Variants in BAG2 observed in about 807,000 individuals in gnomAD.
BAG2 encodes the protein BAG family molecular chaperone regulator 2.
Under a neutral mutation model 16.4 loss-of-function variants are expected in BAG2, and 8 were observed. The ratio of observed to expected loss-of-function variants is 0.49; its 90% CI spans 0.29 to 0.88. The LOEUF (loss-of-function observed/expected upper bound fraction) is 0.88, where lower values mean the gene tolerates loss of function less well. Among genes scored for constraint, BAG2 ranks in the 40% least tolerant of loss-of-function variants. BAG2 has a pLI of 0.09. For synonymous variants in BAG2, 82 were observed against 89.2 expected (o/e 0.92, Z 0.46); for missense variants, 218 against 248.9 (o/e 0.88, Z 0.84).
chr6:57,188,128 TTTC>T lies in BAG2; in HGVS notation c.*3941_*3943del, dbSNP rs1764681101. The T allele has an allele frequency of 1.3e-5, 2 of 152,184 alleles. No individual in the cohort carries two copies. The highest frequency in any genetic ancestry group is 4.8e-5 in the African/African-American group (2 of 41,456). The allele number at this position is 152,184 out of a possible 1,614,324, so 9.4% of individuals were successfully genotyped here. A position where few individuals can be genotyped will look rare whatever the true frequency, so the allele number is the denominator to read the frequency against. ...AATCACCTGGAATCTTGGAAAAGTT[TTTC>T]TTTAGTATACATGGTTTCATAAAAT... On this transcript the variant is annotated 3_prime_UTR_variant, in exon 3 of 3. Transcript: ENST00000370693.
chr6:57,188,498 C>T lies in BAG2; in HGVS notation c.*4308C>T, dbSNP rs1029534273. 28 of 152,016 alleles carry T rather than the reference C, an allele frequency of 1.8e-4. No homozygotes were observed. Among genetic ancestry groups the T allele is most frequent in the African/African-American group, 6.5e-4 (27 of 41,384 alleles). The allele number at this position is 152,016 out of a possible 1,614,324, so 9.4% of individuals were successfully genotyped here. A position where few individuals can be genotyped will look rare whatever the true frequency, so the allele number is the denominator to read the frequency against. ...ACATGAAAAAGAACTAACTAGAACA[C>T]ATATAACAAGTGATTTTTCTGCCAA... On this transcript the variant is annotated 3_prime_UTR_variant, in exon 3 of 3. Coordinates refer to ENST00000370693, the MANE Select transcript of BAG2 (RefSeq NM_004282.4).
At position 57,187,278 on chromosome 6, in the gene BAG2, T is replaced by C. The variant is rs1161792924; in HGVS notation, c.*3088T>C. The C allele has an allele frequency of 1.3e-5, 2 of 152,306 alleles. No individual in the cohort carries two copies. The highest frequency in any genetic ancestry group is 2.9e-5 in the Non-Finnish European group (2 of 68,016). The allele number at this position is 152,306 out of a possible 1,614,324, so 9.4% of individuals were successfully genotyped here. A position where few individuals can be genotyped will look rare whatever the true frequency, so the allele number is the denominator to read the frequency against. ...ATGAAAATAATAATAATAAAGATTA[T>C]TATAGCCAAATCATCCAGTTAGCCA... On this transcript the variant is annotated 3_prime_UTR_variant, in exon 3 of 3. Transcript: ENST00000370693.
intron 1 of BAG2, 130 bp from the exon 2 acceptor site, chr6:57,181,902 A>G (rs1245721406): frequency 1.4e-6 from 1 of 713,452 alleles, no homozygotes; most frequent in South Asian, 2.0e-5. Flanking sequence ...AGAATTTTAA[A>G]GCAGAAATGA....
rs1764689780 is a variant in BAG2, at chr6:57,188,312, G to A, written c.*4122G>A. On this transcript the variant is annotated 3_prime_UTR_variant, in exon 3 of 3. Coordinates refer to ENST00000370693, the MANE Select transcript of BAG2 (RefSeq NM_004282.4). The stretch of plus-strand genomic sequence containing the variant: ...ATGGTTAGGTTTAAAATACAGCAGT[G>A]CAAATTAAAAATTCAAATATGTAAC... The A allele has an allele frequency of 6.6e-6, 1 of 151,960 alleles. No individual in the cohort carries two copies. The highest frequency in any genetic ancestry group is 2.4e-5 in the African/African-American group (1 of 41,366). The allele number at this position is 151,960 out of a possible 1,614,324, so 9.4% of individuals were successfully genotyped here.
At chr6:57,183,465 T>C (rs1419277104) in intron 2 of BAG2, among the ~76,000 whole-genome samples, 8 of 152,210 alleles carry the variant, frequency 5.3e-5, no homozygotes, top group Non-Finnish European at 1.0e-4. Flanking sequence ...AAACCCTATA[T>C]GTGCTTACTG....
In BAG2 at chr6:57,172,774, GC is replaced by G; in HGVS notation, c.79del (p.Arg27AlafsTer16). The G allele has an allele frequency of 4.4e-6, 7 of 1,574,324 alleles. No homozygotes were observed. Among genetic ancestry groups the G allele is most frequent in the Non-Finnish European group, 6.0e-6 (7 of 1,163,422 alleles). On this transcript the variant is annotated frameshift_variant, in exon 1 of 3. Coordinates refer to ENST00000370693, the MANE Select transcript of BAG2 (RefSeq NM_004282.4). LOFTEE classifies it high-confidence loss of function. ...CRSSSMADRS[S>X]RLLESLDQLE... The stretch of plus-strand genomic sequence containing the variant: ...TCCTCCTCCATGGCTGACCGCTCCA[GC>G]CGCCTGCTGGAGAGCCTGGACCAGC...
intron 1 of BAG2, chr6:57,173,106 CAG>C (rs1407463211): frequency 1.9e-6 from 2 of 1,040,580 alleles, no homozygotes; most frequent in Non-Finnish European, 2.3e-6. Flanking sequence ...GGAAAAAAAT[CAG>C]AGGAGATAAA....
rs2127994030 is a variant in BAG2, at chr6:57,185,669, G to A, written c.*1479G>A. 6.6e-6 allele frequency: 1 copy of A among 152,096 alleles called. No homozygotes were observed. Among genetic ancestry groups the A allele is most frequent in the East Asian group, 1.9e-4 (1 of 5,196 alleles). The allele number at this position is 152,096 out of a possible 1,614,324, so 9.4% of individuals were successfully genotyped here. A position where few individuals can be genotyped will look rare whatever the true frequency, so the allele number is the denominator to read the frequency against. On this transcript the variant is annotated 3_prime_UTR_variant, in exon 3 of 3. Transcript: ENST00000370693. ...ATTCTATCTATGGCAGAGCCACTTG[G>A]TTTGTTAGCAGACTGATTTGCTGTC... is the stretch of plus-strand genomic sequence containing the variant.
chr6:57,172,965 C>T, intron 1 of BAG2, 155 bp downstream of exon 1: 1 of 708,050 alleles, frequency 1.4e-6, no homozygotes, highest in Non-Finnish European at 2.1e-6. Flanking sequence ...TGTGGATGGA[C>T]GTGGTGTAGT....
chr6:57,187,028 GA>G lies in BAG2; in HGVS notation c.*2840del, dbSNP rs1419370490. On this transcript the variant is annotated 3_prime_UTR_variant, in exon 3 of 3. Transcript: ENST00000370693. ...AAATGCATTTATTTTCTGATTATTG[GA>G]ATTCATCCTTCATGAAATTTTTAGA... The G allele has an allele frequency of 6.6e-6, 1 of 151,992 alleles. No homozygotes were observed. Among genetic ancestry groups the G allele is most frequent in the Non-Finnish European group, 1.5e-5 (1 of 67,996 alleles). 9.4% of individuals were successfully genotyped at this position (151,992 alleles called of 1,614,324 possible).
intron 2 of BAG2, among the ~76,000 whole-genome samples, chr6:57,182,414 A>G (rs77741301): frequency 2.3e-3 from 353 of 151,786 alleles, no homozygotes; most frequent in African/African-American, 8.2e-3. Context: ...CAGTAAGGCC[A>G]TGTGTTTTAT....
Position 57,184,191 on chromosome 6 carries a change from T to C in BAG2, c.*1T>C. ...AAATGCTGAAAGCAGATTCAATTAG[T>C]CTTCAAACCTAAGAGCATTTACACA... On this transcript the variant is annotated 3_prime_UTR_variant, in exon 3 of 3. Transcript: ENST00000370693. The C allele has an allele frequency of 6.5e-7, 1 of 1,533,012 alleles. No individual in the cohort carries two copies. Among genetic ancestry groups the C allele is most frequent in the Non-Finnish European group, 8.7e-7 (1 of 1,149,476 alleles). 95.0% of individuals were successfully genotyped at this position (1,533,012 alleles called of 1,614,324 possible).
chr6:57,173,335 A>C (rs1161128641), intron 1 of BAG2: 11 of 985,304 alleles, frequency 1.1e-5, no homozygotes, highest in Non-Finnish European at 1.3e-5. Context: ...ATCCATTGAG[A>C]GCAAAGATTA....
rs550519882 is a variant in BAG2, at chr6:57,185,915, C to G, written c.*1725C>G. The G allele has an allele frequency of 1.3e-5, 2 of 152,250 alleles. No individual in the cohort carries two copies. Among genetic ancestry groups the G allele is most frequent in the Admixed American group, 6.5e-5 (1 of 15,294 alleles). 9.4% of individuals were successfully genotyped at this position (152,250 alleles called of 1,614,324 possible). A position where few individuals can be genotyped will look rare whatever the true frequency, so the allele number is the denominator to read the frequency against. On this transcript the variant is annotated 3_prime_UTR_variant, in exon 3 of 3. Transcript: ENST00000370693. ...ATTATTCTGGCTCTGCCTCCTTGACCTTGGTATTCTTAGCATTATTTTTCC... is the reference window on the plus strand; with the variant it reads ...ATTATTCTGGCTCTGCCTCCTTGACGTTGGTATTCTTAGCATTATTTTTCC...
chr6:57,182,220 C>A, intron 2 of BAG2, 79 bp downstream of exon 2: 2 of 1,348,992 alleles, frequency 1.5e-6, no homozygotes, highest in South Asian at 1.3e-5. Context: ...TCAATTTTTG[C>A]TTGACTTTTG....
rs1593186860 is a variant in BAG2, at chr6:57,172,462, C to T, written c.-236C>T. The T allele has an allele frequency of 2.9e-6, 1 of 347,736 alleles. No homozygotes were observed. Among genetic ancestry groups the T allele is most frequent in the East Asian group, 5.0e-5 (1 of 20,020 alleles). 21.5% of individuals were successfully genotyped at this position (347,736 alleles called of 1,614,324 possible). ...GTGGCTCGCGAACCTCTAACTCCAG[C>T]CGCTGCAGCCCCCTCCCAGGCCCGG... On this transcript the variant is annotated 5_prime_UTR_variant, in exon 1 of 3. Transcript: ENST00000370693.
chr6:57,181,154 T>C (rs1764429159), intron 1 of BAG2, among the ~76,000 whole-genome samples: 1 of 152,192 alleles, frequency 6.6e-6, no homozygotes, highest in Admixed American at 6.5e-5. Flanking sequence ...TTCTGCAGAA[T>C]AGTCATAATA....
chr6:57,172,901 G>T, intron 1 of BAG2, 91 bp downstream of exon 1: 1 of 1,120,284 alleles, frequency 8.9e-7, no homozygotes, highest in Non-Finnish European at 1.2e-6. Flanking sequence ...GTGGCGGGCC[G>T]GGGCCTGGGG....
At chr6:57,178,267 C>A (rs950131319) in intron 1 of BAG2, among the ~76,000 whole-genome samples, 5 of 152,100 alleles carry the variant, frequency 3.3e-5, no homozygotes, top group Non-Finnish European at 7.4e-5. Flanking sequence ...CAAGAATTTT[C>A]TAGAACTAAT....
Sources: allele counts gnomAD v4.1 joint callset (sites outside exome capture counted in the v4.1 genomes callset), GRCh38; gene constraint gnomAD v4.1.1; transcripts MANE v1.5; gene names NCBI Gene and HGNC (gene_info 2026-07-23, HGNC 2026-07-21).